Variants in ABLIM2 observed in about 807,000 individuals in gnomAD.
ABLIM2 encodes the protein actin binding LIM protein family member 2.
In ABLIM2, 53 loss-of-function variants were observed where a neutral mutation model predicts 97.7. The ratio of observed to expected loss-of-function variants is 0.54; its 90% CI spans 0.44 to 0.68. The LOEUF (loss-of-function observed/expected upper bound fraction) is 0.68. ABLIM2 is among the 30% of genes least tolerant of loss of function. The pLI, the probability that ABLIM2 is intolerant of heterozygous loss-of-function variation, is 0.00. For synonymous variants in ABLIM2, 361 were observed against 345.8 expected, an observed-to-expected ratio of 1.04 and a Z score of -0.49; for missense variants, 835 against 867.2, an observed-to-expected ratio of 0.96 and a Z score of 0.47.
At chr4:8,138,330 G>A (rs535177640) in intron 1 of ABLIM2, among the ~76,000 whole-genome samples, 1 of 152,282 alleles carries the variant, frequency 6.6e-6, no homozygotes, top group South Asian at 2.1e-4. Flanking sequence ...ATTTTAGGGT[G>A]AGTGTATTTA....
At position 8,069,294 on chromosome 4, in the gene ABLIM2, C is replaced by T. The variant is rs188839791; in HGVS notation, c.676-8240G>A. On this transcript the variant is annotated intron_variant, in intron 6 of 20. Coordinates refer to ENST00000447017, the MANE Select transcript of ABLIM2 (RefSeq NM_001130083.2). This position sits in a 1 kb window ranked among gnomAD's most constrained non-coding sequence, Gnocchi z 4.2. ...GGCAACACGGTGCCCAGGAGGCCAGCCTGAGCGGCCCTAGAGGACCAGAGA... is the reference window on the plus strand; with the variant it reads ...GGCAACACGGTGCCCAGGAGGCCAGTCTGAGCGGCCCTAGAGGACCAGAGA... 6.6e-6 allele frequency among the ~76,000 whole-genome samples: 1 copy of T among 152,374 alleles called. No individual in the cohort carries two copies. The highest frequency in any genetic ancestry group is 1.9e-4 in the East Asian group (1 of 5,182).
chr4:7,966,891 G>C lies in ABLIM2; in HGVS notation c.*99C>G, dbSNP rs1217236464. The C allele has an allele frequency of 3.6e-6, 1 of 279,208 alleles. No individual in the cohort carries two copies. The highest frequency in any genetic ancestry group is 3.6e-5 in the South Asian group (1 of 27,626). 17.3% of individuals were successfully genotyped at this position (279,208 alleles called of 1,614,324 possible). ...CTCCCGCCCACCCCATGGACACAGA[G>C]AAGCCAGAGCAAGGTGTGTGGGAGG... On this transcript the variant is annotated 3_prime_UTR_variant, in exon 21 of 21. Coordinates refer to ENST00000447017, the MANE Select transcript of ABLIM2 (RefSeq NM_001130083.2).
In ABLIM2 at chr4:8,152,481, C is replaced by G. The variant is rs570469431; in HGVS notation, c.10+6199G>C. ...GGCCCCAGGGCGGCACTTGATGAGC[C>G]GCAGTCTCTGCGACATTTAAGCCTG... On this transcript the variant is annotated intron_variant, in intron 1 of 20. Transcript: ENST00000447017. 5.9e-5 allele frequency among the ~76,000 whole-genome samples: 9 copies of G among 152,358 alleles called. No homozygotes were observed. In the South Asian group the frequency reaches 1.9e-3, roughly 32 times the overall value.
Position 7,966,014 on chromosome 4 carries a change from A to T in ABLIM2, c.*976T>A, listed in dbSNP as rs558098586. ...CAGAGGAGGATGTTTTCTCCCCAAG[A>T]CTTGGAAAAATAACAGCAAGGAAAA... is the stretch of plus-strand genomic sequence containing the variant. On this transcript the variant is annotated 3_prime_UTR_variant, in exon 21 of 21. Coordinates refer to ENST00000447017, the MANE Select transcript of ABLIM2 (RefSeq NM_001130083.2). 2 of 152,302 alleles carry T rather than the reference A, an allele frequency of 1.3e-5. No individual in the cohort carries two copies. Among genetic ancestry groups the T allele is most frequent in the East Asian group, 1.9e-4 (1 of 5,178 alleles). The allele number at this position is 152,302 out of a possible 1,614,324, so 9.4% of individuals were successfully genotyped here.
In ABLIM2 at chr4:8,150,725, C is replaced by T. The variant is rs973823538; in HGVS notation, c.10+7955G>A. ...CAAGACACCACGCCTCCTGAGGATG[C>T]TGTGCCGAGAAAACCGGGAGCTGGG... is the stretch of plus-strand genomic sequence containing the variant. On this transcript the variant is annotated intron_variant, in intron 1 of 20. Transcript: ENST00000447017. This position sits in a 1 kb window ranked among gnomAD's most constrained non-coding sequence, Gnocchi z 6.3. Among the ~76,000 whole-genome samples, 3 of 152,184 alleles carry T rather than the reference C, an allele frequency of 2.0e-5. No homozygotes were observed. Among genetic ancestry groups the T allele is most frequent in the Non-Finnish European group, 2.9e-5 (2 of 68,018 alleles).
intron 3 of ABLIM2, among the ~76,000 whole-genome samples, chr4:8,093,185 T>A (rs1829782382): frequency 6.6e-6 from 1 of 152,200 alleles, no homozygotes; most frequent in Non-Finnish European, 1.5e-5. Context: ...TGGGTCTTAT[T>A]ATTATTGAGT....
At chr4:7,972,117 G>C (rs1277250137) in intron 20 of ABLIM2, among the ~76,000 whole-genome samples, 1 of 152,170 alleles carries the variant, frequency 6.6e-6, no homozygotes, top group Non-Finnish European at 1.5e-5. Context: ...CATAATGACG[G>C]TGGCCATTGC....
chr4:8,052,171 A>G (rs1327217646), intron 8 of ABLIM2, among the ~76,000 whole-genome samples: 1 of 152,224 alleles, frequency 6.6e-6, no homozygotes, highest in East Asian at 1.9e-4. Flanking sequence ...CCACATCATC[A>G]GGAGACAGGG....
chr4:8,008,591 T>C (rs1762849968), intron 15 of ABLIM2, among the ~76,000 whole-genome samples: 1 of 152,220 alleles, frequency 6.6e-6, no homozygotes, highest in Non-Finnish European at 1.5e-5. Context: ...CAGCCTCCTT[T>C]TGTCATGAAT....
chr4:8,137,479 G>A (rs1850352519), intron 1 of ABLIM2, among the ~76,000 whole-genome samples: 1 of 152,232 alleles, frequency 6.6e-6, no homozygotes, highest in South Asian at 2.1e-4. Context: ...AGGGGAGCGG[G>A]GGCGTCCCAT....
At chr4:8,096,493 C>A (rs371679372) in intron 3 of ABLIM2, among the ~76,000 whole-genome samples, 1 of 152,298 alleles carries the variant, frequency 6.6e-6, no homozygotes, top group African/African-American at 2.4e-5. Context: ...TCCTTGTCAT[C>A]GTCACCTCCT....
rs369836665 is a variant in ABLIM2 at position 8,016,434 on chromosome 4, G to A, written c.1423+3184C>T. ...CCCTGCCCGATATCAAGTGTCGTGT[G>A]TCATCTCCCTGAAACAGCCTCAAAG... is the stretch of plus-strand genomic sequence containing the variant. On this transcript the variant is annotated intron_variant, in intron 14 of 20. Coordinates refer to ENST00000447017, the MANE Select transcript of ABLIM2 (RefSeq NM_001130083.2). Among the ~76,000 whole-genome samples the A allele has an allele frequency of 6.0e-3, 908 of 152,234 alleles. 9 individuals are homozygous for A. The highest frequency in any genetic ancestry group is 0.02 in the African/African-American group (840 of 41,522).
chr4:8,097,804 C>A (rs936010216), intron 2 of ABLIM2, among the ~76,000 whole-genome samples: 1 of 152,190 alleles, frequency 6.6e-6, no homozygotes, highest in African/African-American at 2.4e-5. Context: ...CCCCCTCCCC[C>A]ACTCCTCTGG....
intron 2 of ABLIM2, among the ~76,000 whole-genome samples, chr4:8,102,318 C>T (rs1363920579): frequency 3.9e-5 from 6 of 152,230 alleles, no homozygotes; most frequent in Non-Finnish European, 8.8e-5. Context: ...AGGTCACCTC[C>T]TCCGTGAGGC....
At chr4:8,152,911 G>T (rs377121787) in intron 1 of ABLIM2, among the ~76,000 whole-genome samples, 1 of 152,212 alleles carries the variant, frequency 6.6e-6, no homozygotes, top group African/African-American at 2.4e-5. Flanking sequence ...GCAAGTGGCA[G>T]GGCTGGGTGT....
intron 17 of ABLIM2, among the ~76,000 whole-genome samples, chr4:7,988,581 A>G (rs917147331): frequency 6.6e-6 from 1 of 152,252 alleles, no homozygotes; most frequent in Non-Finnish European, 1.5e-5. Context: ...TTCCTTGCTA[A>G]AGCTCACATT....
At position 7,987,394 on chromosome 4, in the gene ABLIM2, A is replaced by C. The variant is rs1745130975; in HGVS notation, c.1681-2501T>G. Among the ~76,000 whole-genome samples, 3 of 152,152 alleles carry C rather than the reference A, an allele frequency of 2.0e-5. No individual in the cohort carries two copies. The South Asian group carries it at 6.2e-4, about 32-fold the overall frequency. On this transcript the variant is annotated intron_variant, in intron 17 of 20. Coordinates refer to ENST00000447017, the MANE Select transcript of ABLIM2 (RefSeq NM_001130083.2). Reference sequence around the variant, plus strand: ...CACCTCAGCCTCCCAAAGCACTGGGATTACAGGTGTGAGCCACCATGTCCA... The same window carrying C: ...CACCTCAGCCTCCCAAAGCACTGGGCTTACAGGTGTGAGCCACCATGTCCA...
intron 6 of ABLIM2, among the ~76,000 whole-genome samples, chr4:8,065,591 C>T (rs1241836659): frequency 3.3e-5 from 5 of 152,134 alleles, no homozygotes. Flanking sequence ...GAAATTCACT[C>T]TTTGGCATTT....
At chr4:8,013,226 T>C (rs1766301266) in intron 14 of ABLIM2, among the ~76,000 whole-genome samples, 1 of 145,672 alleles carries the variant, frequency 6.9e-6, no homozygotes, top group Admixed American at 6.8e-5. Context: ...TTCCTTTTTT[T>C]TTTTTTTTTT....
Sources: allele counts gnomAD v4.1 joint callset (sites outside exome capture counted in the v4.1 genomes callset), GRCh38; gene constraint gnomAD v4.1.1; non-coding constraint Gnocchi (gnomAD v3.1); transcripts MANE v1.5; gene names NCBI Gene and HGNC (gene_info 2026-07-23, HGNC 2026-07-21).